Variants in OSBPL11 observed in about 807,000 individuals in gnomAD.
OSBPL11 encodes the protein oxysterol-binding protein-related protein 11.
OSBPL11 carries 33 observed loss-of-function variants against 84.4 expected under a neutral mutation model. The ratio of observed to expected loss-of-function variants is 0.39; its 90% CI spans 0.30 to 0.52. The LOEUF (loss-of-function observed/expected upper bound fraction) is 0.52, where lower values mean the gene tolerates loss of function less well. Ranked by LOEUF, OSBPL11 falls within the 20% of genes least tolerant of loss-of-function variation. OSBPL11 has a pLI of 0.72. For missense variants in OSBPL11, 736 were observed against 901.1 expected (o/e 0.82, Z 2.35); for synonymous variants, 276 against 310.2 (o/e 0.89, Z 1.16).
intron 11 of OSBPL11, among the ~76,000 whole-genome samples, chr3:125,535,510 G>A (rs929433790): frequency 2.9e-5 from 4 of 137,198 alleles, no homozygotes; most frequent in East Asian, 2.2e-4. Flanking sequence ...GTGGTTCAAC[G>A]GCGGCTCACT....
intron 1 of OSBPL11, among the ~76,000 whole-genome samples, chr3:125,593,211 G>C (rs954635249): frequency 6.6e-6 from 1 of 151,968 alleles, no homozygotes; most frequent in Non-Finnish European, 1.5e-5. Context: ...GGGGACCCGC[G>C]GCCCCTGCCA....
chr3:125,547,321 G>A lies in OSBPL11; in HGVS notation c.1841+85C>T, dbSNP rs897301369. ...ATTAATACAAATCCAACTTCACATA[G>A]AACAGAGCAGAAAAAGAATAAGGAG... On this transcript the variant is annotated intron_variant, in intron 10 of 12. Transcript: ENST00000296220. 6.0e-6 allele frequency: 7 copies of A among 1,170,478 alleles called. No individual in the cohort carries two copies. The African/African-American group carries it at 6.1e-5, about 10-fold the overall frequency. 72.5% of individuals were successfully genotyped at this position (1,170,478 alleles called of 1,614,324 possible). A position where few individuals can be genotyped will look rare whatever the true frequency, so the allele number is the denominator to read the frequency against.
chr3:125,552,158 T>A (rs1049305879), intron 9 of OSBPL11, 23 bp downstream of exon 9: 1 of 1,228,180 alleles, frequency 8.1e-7, no homozygotes, highest in Non-Finnish European at 1.1e-6. Context: ...TATATATATA[T>A]ATAAAATAAT....
At chr3:125,554,916 A>T (rs904212450) in intron 8 of OSBPL11, among the ~76,000 whole-genome samples, 1 of 152,160 alleles carries the variant, frequency 6.6e-6, no homozygotes, top group Non-Finnish European at 1.5e-5. Context: ...AACAAACAAA[A>T]TAGAAGAAAG....
At chr3:125,548,053 AT>A (rs1935845951) in intron 9 of OSBPL11, among the ~76,000 whole-genome samples, 1 of 151,846 alleles carries the variant, frequency 6.6e-6, no homozygotes, top group African/African-American at 2.4e-5. Context: ...ATTTTTTTGT[AT>A]TTTTAGTGGA....
At chr3:125,566,111 T>C (rs976454560) in intron 6 of OSBPL11, among the ~76,000 whole-genome samples, 1 of 152,096 alleles carries the variant, frequency 6.6e-6, no homozygotes, top group Non-Finnish European at 1.5e-5. Context: ...GTTCAAGCGA[T>C]TCTCCTGCCT....
intron 10 of OSBPL11, among the ~76,000 whole-genome samples, chr3:125,545,398 C>A (rs1935795870): frequency 6.6e-6 from 1 of 152,244 alleles, no homozygotes; most frequent in South Asian, 2.1e-4. Context: ...CTAATCCTAT[C>A]TTCACAGTAC....
At chr3:125,531,205 C>T (rs544080838) in intron 12 of OSBPL11, among the ~76,000 whole-genome samples, 3 of 151,718 alleles carry the variant, frequency 2.0e-5, no homozygotes, top group South Asian at 4.2e-4. Flanking sequence ...GTCTGAAACT[C>T]CTGACCTCAT....
rs377734900 is a variant in OSBPL11, at chr3:125,593,642, T to A, written c.164+995A>T. ...CTCAAAAAAAAAAAAAAAATTATAA[T>A]CTTCTATACTTCACTTCTATATGTT... On this transcript the variant is annotated intron_variant, in intron 1 of 12. Coordinates refer to ENST00000296220, the MANE Select transcript of OSBPL11 (RefSeq NM_022776.5). Among the ~76,000 whole-genome samples, 13 of 151,856 alleles carry A rather than the reference T, an allele frequency of 8.6e-5. No homozygotes were observed. The East Asian group carries it at 1.5e-3, about 18-fold the overall frequency.
chr3:125,594,564 G>A, intron 1 of OSBPL11, 73 bp downstream of exon 1: 1 of 1,510,722 alleles, frequency 6.6e-7, no homozygotes, highest in Non-Finnish European at 9.0e-7. Flanking sequence ...TTCAACAATT[G>A]CGGGATGCAG....
intron 8 of OSBPL11, among the ~76,000 whole-genome samples, chr3:125,553,856 G>C (rs945670033): frequency 6.6e-6 from 1 of 152,148 alleles, no homozygotes; most frequent in Non-Finnish European, 1.5e-5. Context: ...TTCACTTTCT[G>C]TCGAAATTCC....
intron 2 of OSBPL11, among the ~76,000 whole-genome samples, chr3:125,581,730 A>G (rs1159498927): frequency 1.3e-5 from 2 of 150,718 alleles, no homozygotes; most frequent in Admixed American, 1.3e-4. Context: ...GTAACTCTAA[A>G]AAGGGCTGGA....
intron 2 of OSBPL11, among the ~76,000 whole-genome samples, chr3:125,581,022 A>G (rs1044143529): frequency 9.2e-5 from 14 of 152,200 alleles, no homozygotes; most frequent in African/African-American, 3.4e-4. Context: ...TTTGGAAAAA[A>G]AAATTCTGAT....
intron 5 of OSBPL11, among the ~76,000 whole-genome samples, chr3:125,571,726 T>C (rs574873307): frequency 1.3e-5 from 2 of 152,276 alleles, no homozygotes; most frequent in African/African-American, 2.4e-5. Context: ...AAGTCAAGAA[T>C]TGGGGTTTGG....
In OSBPL11 at chr3:125,578,964, C is replaced by T; in HGVS notation, c.485G>A (p.Gly162Glu). The T allele has an allele frequency of 1.3e-6, 2 of 1,549,804 alleles. No individual in the cohort carries two copies. The highest frequency in any genetic ancestry group is 1.7e-6 in the Non-Finnish European group (2 of 1,145,478). Residue 162 changes from glycine to glutamate, a missense_variant, in exon 4 of 13, where the codon GGA becomes GAA. This residue lies in a region of OSBPL11 where 579 missense variants were observed against 717.6 expected (regional missense o/e 0.81). Coordinates refer to ENST00000296220, the MANE Select transcript of OSBPL11 (RefSeq NM_022776.5). ...ATTGTATATAAATCTACATACCTTT[C>T]CAATAGCTTCAGTATGATGCTGTGT... ...ICTQHHTEAI[G>E]KNNPPLKSRS...
rs1013466055 is a variant in OSBPL11 at position 125,595,323 on chromosome 3, G to T, written c.-523C>A. On this transcript the variant is annotated 5_prime_UTR_variant, in exon 1 of 13. Coordinates refer to ENST00000296220, the MANE Select transcript of OSBPL11 (RefSeq NM_022776.5). ...AGGGCCGGCGCGCGCAGCCGGGGAG[G>T]AGGGTCGGGGAATGAGGCCGCCGGG... Among the ~76,000 whole-genome samples the T allele has an allele frequency of 1.3e-5, 2 of 151,902 alleles. No individual in the cohort carries two copies. The highest frequency in any genetic ancestry group is 4.8e-5 in the African/African-American group (2 of 41,340).
intron 8 of OSBPL11, among the ~76,000 whole-genome samples, chr3:125,553,442 AAG>A (rs1935943904): frequency 1.3e-5 from 2 of 152,220 alleles, no homozygotes; most frequent in South Asian, 4.1e-4. Context: ...TATTTCCAAT[AAG>A]AGAAATTTTT....
Position 125,587,499 on chromosome 3 carries a change from G to T in OSBPL11, c.165-4521C>A, listed in dbSNP as rs563092963. Among the ~76,000 whole-genome samples, 3 of 152,334 alleles carry T rather than the reference G, an allele frequency of 2.0e-5. No homozygotes were observed. The South Asian group carries it at 6.2e-4, about 32-fold the overall frequency. Reference sequence around the variant, plus strand: ...GTCACTCAGGAAGTATTACGAAATGGCAAGAGATGGGCAGGGTCTAAGAGA... The same window carrying T: ...GTCACTCAGGAAGTATTACGAAATGTCAAGAGATGGGCAGGGTCTAAGAGA... On this transcript the variant is annotated intron_variant, in intron 1 of 12. Transcript: ENST00000296220.
chr3:125,536,269 T>A (rs1056348572), intron 11 of OSBPL11, among the ~76,000 whole-genome samples: 1 of 152,200 alleles, frequency 6.6e-6, no homozygotes, highest in Non-Finnish European at 1.5e-5. Context: ...AAAAGGCCAG[T>A]TGCAATGTGG....
Sources: gnomAD v4.1 joint callset for allele counts (sites outside exome capture counted in the v4.1 genomes callset) on GRCh38, gnomAD v4.1.1 for gene constraint, gnomAD v4.1.1 regional missense constraint, MANE v1.5 for transcripts, NCBI Gene and HGNC (gene_info 2026-07-23, HGNC 2026-07-21) for gene names.